The following RIMKLB variants were observed in gnomAD, a reference collection of about 807,000 sequenced individuals.
RIMKLB encodes the protein beta-citrylglutamate synthase B.
RIMKLB carries 7 observed loss-of-function variants against 32.0 expected under a neutral mutation model. That is an observed-to-expected ratio of 0.22 (90% confidence interval 0.12 to 0.41). The LOEUF (loss-of-function observed/expected upper bound fraction) is 0.41, where lower values mean the gene tolerates loss of function less well. Ranked by LOEUF, RIMKLB falls within the 10% of genes least tolerant of loss-of-function variation. The probability of loss-of-function intolerance (pLI) is 1.00; values close to 1 mark genes in which losing one functional copy is unlikely to be tolerated. For synonymous variants in RIMKLB, 172 were observed against 185.1 expected (o/e 0.93, Z 0.57); for missense variants, 289 against 498.7 (o/e 0.58, Z 4.00).
chr12:8,722,651 C>A (rs1945571494), intron 2 of RIMKLB, among the ~76,000 whole-genome samples: 1 of 152,200 alleles, frequency 6.6e-6, no homozygotes, highest in Non-Finnish European at 1.5e-5. Flanking sequence ...CTATCAAAGT[C>A]CTAGAGGGCA....
chr12:8,782,157 T>G (rs1951114956), downstream of RIMKLB, among the ~76,000 whole-genome samples: 1 of 152,026 alleles, frequency 6.6e-6, no homozygotes, highest in African/African-American at 2.4e-5. Context: ...AGTTTTAATC[T>G]GAATCAAAAA....
intron 1 of RIMKLB, among the ~76,000 whole-genome samples, chr12:8,704,332 A>G (rs1943660267): frequency 6.6e-6 from 1 of 152,004 alleles, no homozygotes; most frequent in South Asian, 2.1e-4. Flanking sequence ...GCAGTGAGCC[A>G]AGATCACACC....
chr12:8,676,446 T>C, the RIMKLB span, among the ~76,000 whole-genome samples: 2 of 124,626 alleles, frequency 1.6e-5, no homozygotes, highest in Admixed American at 1.9e-4. Flanking sequence ...TTGCCCAGGC[T>C]GGAGTGCAGT....
chr12:8,711,270 C>G (rs965933441), intron 1 of RIMKLB, among the ~76,000 whole-genome samples: 1 of 151,620 alleles, frequency 6.6e-6, no homozygotes, highest in African/African-American at 2.4e-5. Flanking sequence ...GTGATTTGCT[C>G]CTGTCATCTC....
At chr12:8,683,335 A>G (rs184870893) in intron 1 of RIMKLB, among the ~76,000 whole-genome samples, 6 of 152,278 alleles carry the variant, frequency 3.9e-5, no homozygotes, top group Non-Finnish European at 7.4e-5. Flanking sequence ...AGAAACCACC[A>G]ATCTGTCTTC....
At chr12:8,704,995 C>A (rs1234957134) in intron 1 of RIMKLB, among the ~76,000 whole-genome samples, 3 of 151,764 alleles carry the variant, frequency 2.0e-5, no homozygotes, top group Non-Finnish European at 4.4e-5. Context: ...CACACACACA[C>A]ACACAAAACC....
chr12:8,711,667 C>G (rs1474164552), intron 1 of RIMKLB, among the ~76,000 whole-genome samples: 2 of 151,606 alleles, frequency 1.3e-5, no homozygotes, highest in Non-Finnish European at 2.9e-5. Flanking sequence ...TATCCCTCCC[C>G]CCTCCCCCAA....
intron 2 of RIMKLB, among the ~76,000 whole-genome samples, chr12:8,722,081 C>T (rs1483804791): frequency 6.6e-6 from 1 of 152,016 alleles, no homozygotes; most frequent in African/African-American, 2.4e-5. Flanking sequence ...TGATGAATGC[C>T]TTTCAGAACT....
chr12:8,700,718 G>C (rs1943315712), intron 1 of RIMKLB: 1 of 152,306 alleles, frequency 6.6e-6, no homozygotes, highest in African/African-American at 2.4e-5. Flanking sequence ...TTTACAAAGA[G>C]TATTCTGCAA....
intron 2 of RIMKLB, among the ~76,000 whole-genome samples, chr12:8,736,290 A>G (rs1007011932): frequency 6.6e-6 from 1 of 152,184 alleles, no homozygotes; most frequent in Non-Finnish European, 1.5e-5. Flanking sequence ...AGTTAAAATG[A>G]AAAGTCTACT....
intron 1 of RIMKLB, among the ~76,000 whole-genome samples, chr12:8,705,001 A>ACACACACACACACACACACAC (rs1214259948): frequency 1.4e-5 from 2 of 140,510 alleles, no homozygotes; most frequent in African/African-American, 5.8e-5. Flanking sequence ...CACACACACA[A>ACACACACACACACACACACAC]AACCCCAAAC....
intron 2 of RIMKLB, among the ~76,000 whole-genome samples, chr12:8,727,899 T>TAAA (rs1946180369): frequency 2.5e-5 from 2 of 81,518 alleles, no homozygotes; most frequent in African/African-American, 5.0e-5. Flanking sequence ...AGACATTGTC[T>TAAA]CAAAAAAAAA....
chr12:8,728,940 G>T (rs774736259), intron 2 of RIMKLB, among the ~76,000 whole-genome samples: 2 of 152,118 alleles, frequency 1.3e-5, no homozygotes, highest in East Asian at 1.9e-4. Context: ...TGGAGTGCAT[G>T]GGCTCCAGCA....
the RIMKLB span, among the ~76,000 whole-genome samples, chr12:8,676,382 CTTTTTTTTTTTTTTTT>C: frequency 4.8e-4 from 18 of 37,336 alleles, no homozygotes; most frequent in African/African-American, 1.4e-3. Context: ...CCCCCAACAG[CTTTTTTTTTTTTTTTT>C]TTTTTTTTTT....
chr12:8,715,316 C>CCAGGTT (rs2136981229), intron 2 of RIMKLB, among the ~76,000 whole-genome samples: 1 of 151,142 alleles, frequency 6.6e-6, no homozygotes, highest in South Asian at 2.1e-4. Context: ...CCTCTGCCTC[C>CCAGGTT]CAGGTTCAAG....
At chr12:8,749,742 A>C in intron 2 of RIMKLB, 120 bp from the exon 3 acceptor site, 1 of 674,900 alleles carries the variant, frequency 1.5e-6, no homozygotes, top group Non-Finnish European at 2.5e-6. Context: ...CTCTATCCCA[A>C]TTTAATATTA....
chr12:8,723,804 C>CTTTTTTTTTTTTTT (rs35269536), intron 2 of RIMKLB, among the ~76,000 whole-genome samples: 4 of 75,500 alleles, frequency 5.3e-5, no homozygotes, highest in African/African-American at 1.1e-4. Flanking sequence ...CTTCAGTTCC[C>CTTTTTTTTTTTTTT]TTTTTTTTTT....
At chr12:8,678,519 GGTTTCTCCAT>G (rs2136512128), upstream of RIMKLB, among the ~76,000 whole-genome samples, 1 of 151,964 alleles carries the variant, frequency 6.6e-6, no homozygotes, top group East Asian at 1.9e-4. Flanking sequence ...ATAGAGACGG[GGTTTCTCCAT>G]GTTTGTCAGG....
chr12:8,678,302 C>T (rs1208822400), upstream of RIMKLB, among the ~76,000 whole-genome samples: 1 of 151,596 alleles, frequency 6.6e-6, no homozygotes, highest in South Asian at 2.1e-4. Flanking sequence ...AAGTGTGAGC[C>T]GCCACACCTG....
Sources: gnomAD v4.1 joint callset for allele counts (sites outside exome capture counted in the v4.1 genomes callset) on GRCh38, gnomAD v4.1.1 for gene constraint, MANE v1.5 for transcripts, NCBI Gene and HGNC (gene_info 2026-07-23, HGNC 2026-07-21) for gene names.